The following OPCML variants were observed in gnomAD, a reference collection of about 807,000 sequenced individuals.
The protein encoded by OPCML is opioid binding protein/cell adhesion molecule like, also known as opioid-binding protein/cell adhesion molecule.
In OPCML, 13 loss-of-function variants were observed where a neutral mutation model predicts 37.8. The ratio of observed to expected loss-of-function variants is 0.34; its 90% confidence interval spans 0.22 to 0.55. OPCML has a LOEUF of 0.55. OPCML is among the 20% of genes least tolerant of loss of function. The pLI, the probability that OPCML is intolerant of heterozygous loss-of-function variation, is 0.91. For missense variants in OPCML, 341 were observed against 435.6 expected (o/e 0.78, Z 1.93); for synonymous variants, 176 against 168.8 (o/e 1.04, Z -0.33).
At chr11:133,215,815 G>A (rs1235967021) in intron 1 of OPCML, among the ~76,000 whole-genome samples, 1 of 152,182 alleles carries the variant, frequency 6.6e-6, no homozygotes, top group Non-Finnish European at 1.5e-5. Flanking sequence ...CAGACCCGCT[G>A]TTCTGGGTGG....
intron 1 of OPCML, among the ~76,000 whole-genome samples, chr11:133,484,181 TA>T (rs1354289005): frequency 6.6e-6 from 1 of 152,050 alleles, no homozygotes; most frequent in African/African-American, 2.4e-5. Flanking sequence ...GATAGATAGA[TA>T]GATAGATAGA....
intron 1 of OPCML, among the ~76,000 whole-genome samples, chr11:133,494,294 A>G (rs965007461): frequency 2.8e-4 from 42 of 151,950 alleles, no homozygotes; most frequent in African/African-American, 4.3e-4. Flanking sequence ...TAGTTCAACC[A>G]TTGTGGAAGT....
intron 1 of OPCML, among the ~76,000 whole-genome samples, chr11:133,002,786 G>T (rs1173931926): frequency 1.4e-5 from 2 of 141,948 alleles, no homozygotes; most frequent in Non-Finnish European, 1.5e-5. Context: ...AGAGGGGGGG[G>T]TGGGAAGAGA....
At chr11:132,520,513 A>G (rs968278512) in intron 4 of OPCML, among the ~76,000 whole-genome samples, 2 of 152,166 alleles carry the variant, frequency 1.3e-5, no homozygotes, top group Non-Finnish European at 2.9e-5. Context: ...ATAGGTTGTT[A>G]ATGGAATACT....
At chr11:132,497,528 T>C (rs1275597691) in intron 4 of OPCML, among the ~76,000 whole-genome samples, 1 of 152,032 alleles carries the variant, frequency 6.6e-6, no homozygotes, top group Non-Finnish European at 1.5e-5. Context: ...TCAGAAAATG[T>C]CTCAGTGATT....
chr11:133,391,775 C>T (rs1015432981), intron 1 of OPCML, among the ~76,000 whole-genome samples: 1 of 152,150 alleles, frequency 6.6e-6, no homozygotes. Flanking sequence ...CGTGTCAGAC[C>T]TAGCGCTAAA....
intron 2 of OPCML, among the ~76,000 whole-genome samples, chr11:132,901,004 A>T (rs1944041759): frequency 6.6e-6 from 1 of 151,968 alleles, no homozygotes; most frequent in African/African-American, 2.4e-5. Context: ...ATATAGTGAA[A>T]CCCCATCTCT....
At chr11:133,132,827 T>A (rs368784471) in intron 1 of OPCML, among the ~76,000 whole-genome samples, 1 of 148,306 alleles carries the variant, frequency 6.7e-6, no homozygotes. Flanking sequence ...ATAGAAGCGA[T>A]CAGTATTTTC....
intron 1 of OPCML, among the ~76,000 whole-genome samples, chr11:133,022,020 C>CT: frequency 6.6e-6 from 1 of 152,194 alleles, no homozygotes; most frequent in Non-Finnish European, 1.5e-5. Context: ...GAGAAAGGGA[C>CT]TGACACCCTA....
At chr11:132,806,066 C>A (rs1413716043) in intron 2 of OPCML, among the ~76,000 whole-genome samples, 1 of 152,040 alleles carries the variant, frequency 6.6e-6, no homozygotes, top group African/African-American at 2.4e-5. Context: ...GGTTACATAT[C>A]ATTAGCCATA....
At chr11:133,260,125 G>A (rs1484511092) in intron 1 of OPCML, among the ~76,000 whole-genome samples, 2 of 151,846 alleles carry the variant, frequency 1.3e-5, no homozygotes, top group Non-Finnish European at 2.9e-5. Flanking sequence ...GGCTCTCGGG[G>A]GACAGAGTTT....
intron 2 of OPCML, among the ~76,000 whole-genome samples, chr11:132,843,910 T>C (rs1941406706): frequency 6.6e-6 from 1 of 152,232 alleles, no homozygotes; most frequent in East Asian, 1.9e-4. Flanking sequence ...GTGGTTGATA[T>C]GGTTTGGCTG....
In OPCML at chr11:132,415,894, G is replaced by A. The variant is rs989203901; in HGVS notation, c.*4299C>T. Reference sequence around the variant, plus strand: ...GCAGTTTTGTTTGTTTGCATGTGGTGATCATTAGGCGTTCTCATCATATGG... The same window carrying A: ...GCAGTTTTGTTTGTTTGCATGTGGTAATCATTAGGCGTTCTCATCATATGG... On this transcript the variant is annotated 3_prime_UTR_variant, in exon 8 of 8. Coordinates refer to ENST00000524381, the MANE Select transcript of OPCML (RefSeq NM_001012393.5). 2 of 152,600 alleles carry A rather than the reference G, an allele frequency of 1.3e-5. No individual in the cohort carries two copies. The highest frequency in any genetic ancestry group is 6.5e-5 in the Admixed American group (1 of 15,276). 9.5% of individuals were successfully genotyped at this position (152,600 alleles called of 1,614,324 possible).
At chr11:132,662,457 A>T (rs1390875547) in intron 2 of OPCML, among the ~76,000 whole-genome samples, 2 of 149,570 alleles carry the variant, frequency 1.3e-5, no homozygotes, top group Non-Finnish European at 3.0e-5. Flanking sequence ...ACAGATATGG[A>T]GTGAGTGCCT....
chr11:133,109,659 C>T (rs545273208), intron 1 of OPCML, among the ~76,000 whole-genome samples: 1 of 152,298 alleles, frequency 6.6e-6, no homozygotes, highest in South Asian at 2.1e-4. Flanking sequence ...GCTGGCTTCA[C>T]CTTTCACCAT....
intron 2 of OPCML, among the ~76,000 whole-genome samples, chr11:132,903,598 C>T (rs1438972701): frequency 6.6e-6 from 1 of 152,084 alleles, no homozygotes; most frequent in African/African-American, 2.4e-5. Context: ...GAGTTCACAA[C>T]CAGCCTGGGC....
chr11:132,897,749 G>C (rs1403218775), intron 2 of OPCML, among the ~76,000 whole-genome samples: 1 of 152,200 alleles, frequency 6.6e-6, no homozygotes, highest in East Asian at 1.9e-4. Context: ...ACTTTGCTTA[G>C]AGGAAAAATG....
rs542258535 is a variant in OPCML at position 133,404,741 on chromosome 11, T to C, written c.61+127523A>G. Reference sequence around the variant, plus strand: ...AGAATTAGGCTTTTATTTTATTCAATTCAAAGGTAAACAAATATTGCCAGA... The same window carrying C: ...AGAATTAGGCTTTTATTTTATTCAACTCAAAGGTAAACAAATATTGCCAGA... On this transcript the variant is annotated intron_variant, in intron 1 of 7. Transcript: ENST00000524381. 1.8e-3 allele frequency among the ~76,000 whole-genome samples: 273 copies of C among 152,312 alleles called. 1 individual carries two copies. The highest frequency in any genetic ancestry group is 0.01 in the Middle Eastern group (3 of 294).
At chr11:133,303,312 C>T (rs1414394230) in intron 1 of OPCML, among the ~76,000 whole-genome samples, 5 of 152,084 alleles carry the variant, frequency 3.3e-5, no homozygotes, top group Non-Finnish European at 7.4e-5. Context: ...CATGTAGATC[C>T]AATTTCCTTA....
Sources: allele counts gnomAD v4.1 joint callset (sites outside exome capture counted in the v4.1 genomes callset), GRCh38; gene constraint gnomAD v4.1.1; transcripts MANE v1.5; gene names NCBI Gene and HGNC (gene_info 2026-07-23, HGNC 2026-07-21).